Variants in MALRD1 observed in about 807,000 individuals in gnomAD.
The protein encoded by MALRD1 is MAM and LDL-receptor class A domain-containing protein 1.
A neutral mutation model predicts 242.1 loss-of-function variants in MALRD1; 247 were observed. The observed-to-expected ratio is 1.02, with a 90% CI of 0.92 to 1.13. The LOEUF is 1.13. Among genes scored for constraint, MALRD1 ranks in the 50% most tolerant of loss-of-function variants. The pLI, the probability that MALRD1 is intolerant of heterozygous loss-of-function variation, is 0.00. For missense variants in MALRD1, 2,989 were observed against 2,533.1 expected (o/e 1.18, Z -3.86); for synonymous variants, 995 against 866.6 (o/e 1.15, Z -2.60).
intron 33 of MALRD1, among the ~76,000 whole-genome samples, chr10:19,579,666 A>G (rs947652749): frequency 6.6e-6 from 1 of 152,138 alleles, no homozygotes; most frequent in Non-Finnish European, 1.5e-5. Flanking sequence ...TTAGGGTTTT[A>G]TGGGGAAGAA....
chr10:19,145,796 C>G (rs956892171), intron 10 of MALRD1, among the ~76,000 whole-genome samples: 1 of 151,816 alleles, frequency 6.6e-6, no homozygotes, highest in Non-Finnish European at 1.5e-5. Flanking sequence ...ATGCTGATCT[C>G]AAGTTATTTG....
chr10:19,158,654 T>C (rs190676728), intron 12 of MALRD1, among the ~76,000 whole-genome samples: 1 of 152,380 alleles, frequency 6.6e-6, no homozygotes, highest in East Asian at 1.9e-4. Flanking sequence ...ATTGCTTATC[T>C]ACTGTGTGTT....
chr10:19,142,305 A>T (rs1164806614), intron 10 of MALRD1, among the ~76,000 whole-genome samples: 1 of 152,080 alleles, frequency 6.6e-6, no homozygotes, highest in Non-Finnish European at 1.5e-5. Flanking sequence ...AAATATTTAT[A>T]ATGTAATCCT....
At chr10:19,387,850 T>C in intron 27 of MALRD1, 77 bp downstream of exon 27, 1 of 1,478,992 alleles carries the variant, frequency 6.8e-7, no homozygotes. Context: ...TGATAGCAAC[T>C]GGGGAGCTCT....
intron 28 of MALRD1, among the ~76,000 whole-genome samples, chr10:19,437,163 A>G (rs1194722163): frequency 6.6e-6 from 1 of 152,078 alleles, no homozygotes; most frequent in Non-Finnish European, 1.5e-5. Context: ...CACAATACAG[A>G]GCTTAAATCT....
chr10:19,633,482 A>G (rs563437613), intron 36 of MALRD1, among the ~76,000 whole-genome samples: 18 of 152,184 alleles, frequency 1.2e-4, no homozygotes, highest in Non-Finnish European at 2.6e-4. Flanking sequence ...TAGCTGGAAC[A>G]TTGGAAACTC....
chr10:19,546,269 G>A (rs1435526093), intron 32 of MALRD1, among the ~76,000 whole-genome samples: 1 of 152,122 alleles, frequency 6.6e-6, no homozygotes, highest in Non-Finnish European at 1.5e-5. Context: ...AGCATCTCTG[G>A]TTTCATATTT....
At chr10:19,298,668 C>T (rs1841817214) in intron 21 of MALRD1, among the ~76,000 whole-genome samples, 1 of 151,876 alleles carries the variant, frequency 6.6e-6, no homozygotes, top group Admixed American at 6.6e-5. Flanking sequence ...AGAAAAGAGA[C>T]ACAAGAATGT....
chr10:19,074,266 G>A (rs1835250693), intron 2 of MALRD1, among the ~76,000 whole-genome samples: 2 of 152,098 alleles, frequency 1.3e-5, no homozygotes, highest in African/African-American at 4.8e-5. Flanking sequence ...ATTGATGGAT[G>A]TTATGGCAGT....
At chr10:19,677,846 A>G (rs1842199529) in intron 36 of MALRD1, among the ~76,000 whole-genome samples, 1 of 152,110 alleles carries the variant, frequency 6.6e-6, no homozygotes, top group Non-Finnish European at 1.5e-5. Flanking sequence ...ATTTTTATGT[A>G]ATGTGTATAA....
intron 18 of MALRD1, among the ~76,000 whole-genome samples, chr10:19,246,653 C>G (rs1051109245): frequency 2.6e-5 from 4 of 152,032 alleles, no homozygotes; most frequent in African/African-American, 9.7e-5. Context: ...ACAGATGAAG[C>G]TGAGGTGATT....
At chr10:19,116,302 G>T (rs1219199544) in intron 5 of MALRD1, among the ~76,000 whole-genome samples, 5 of 152,152 alleles carry the variant, frequency 3.3e-5, no homozygotes, top group Admixed American at 1.3e-4. Context: ...TTTTAGATTG[G>T]TTTTTCAGGA....
In MALRD1 at chr10:19,421,482, A is replaced by G. The variant is rs1214026430; in HGVS notation, c.4846-28825A>G. On this transcript the variant is annotated intron_variant, in intron 28 of 39. Transcript: ENST00000454679. ...GGTTAGAGGCTGCAGTGAAGTAAGT[A>G]TGAGGCATTACAGATACCAAGTCCT... Among the ~76,000 whole-genome samples the G allele has an allele frequency of 2.0e-5, 3 of 152,202 alleles. No individual in the cohort carries two copies. The East Asian group carries it at 5.8e-4, about 29-fold the overall frequency.
intron 31 of MALRD1, among the ~76,000 whole-genome samples, chr10:19,502,708 G>A (rs1050022843): frequency 7.2e-5 from 11 of 152,086 alleles, no homozygotes; most frequent in African/African-American, 1.4e-4. Flanking sequence ...CTGTGAGCTC[G>A]TTAGATATTA....
chr10:19,099,950 G>T (rs1349840534), intron 4 of MALRD1, among the ~76,000 whole-genome samples: 2 of 151,836 alleles, frequency 1.3e-5, no homozygotes, highest in African/African-American at 4.8e-5. Context: ...TAATTGAGAT[G>T]GGGTTTCGCC....
rs187596182 is a variant in MALRD1, at chr10:19,354,280, A to C, written c.4441+1983A>C. On this transcript the variant is annotated intron_variant, in intron 26 of 39. Transcript: ENST00000454679. ...ATACCAGAGCTCTTTGAATATGATA[A>C]TATTTGAGGGTGTGTATTAAAATTT... Among the ~76,000 whole-genome samples the C allele has an allele frequency of 3.3e-4, 51 of 152,290 alleles. No individual in the cohort carries two copies. The East Asian group carries it at 7.5e-3, about 22-fold the overall frequency.
chr10:19,527,952 T>G (rs1378776568), intron 31 of MALRD1, among the ~76,000 whole-genome samples: 1 of 152,160 alleles, frequency 6.6e-6, no homozygotes, highest in Non-Finnish European at 1.5e-5. Context: ...TTAAAGAAAG[T>G]ACGTTTTTAA....
chr10:19,479,629 G>A (rs1836897029), intron 29 of MALRD1, among the ~76,000 whole-genome samples: 1 of 152,160 alleles, frequency 6.6e-6, no homozygotes, highest in Non-Finnish European at 1.5e-5. Context: ...AAGTGCTAGT[G>A]TCACCATCAT....
chr10:19,530,365 A>G (rs1834309548), intron 31 of MALRD1, among the ~76,000 whole-genome samples: 1 of 105,088 alleles, frequency 9.5e-6, no homozygotes. Flanking sequence ...ATATTTATAT[A>G]AATATTTATA....
Sources: allele counts gnomAD v4.1 joint callset (sites outside exome capture counted in the v4.1 genomes callset), GRCh38; gene constraint gnomAD v4.1.1; transcripts MANE v1.5; gene names NCBI Gene and HGNC (gene_info 2026-07-23, HGNC 2026-07-21).